The following NT5C3A variants were observed in gnomAD, a reference collection of about 807,000 sequenced individuals.
NT5C3A encodes 5'-nucleotidase, cytosolic IIIA, also known as cytosolic 5'-nucleotidase 3A.
NT5C3A carries 23 observed loss-of-function variants against 40.0 expected under a neutral mutation model. That is an observed-to-expected ratio of 0.58 (90% CI 0.41 to 0.81). The LOEUF (loss-of-function observed/expected upper bound fraction) is 0.81. NT5C3A is among the 40% of genes least tolerant of loss of function. The pLI is 0.00. For synonymous variants in NT5C3A, 130 were observed against 141.4 expected (o/e 0.92, Z 0.57); for missense variants, 328 against 403.0 (o/e 0.81, Z 1.59).
At chr7:33,046,613 T>A (rs1026090437) in intron 1 of NT5C3A, among the ~76,000 whole-genome samples, 1 of 152,180 alleles carries the variant, frequency 6.6e-6, no homozygotes. Flanking sequence ...ATGAACTATA[T>A]CTTTTTTACT....
intron 1 of NT5C3A, among the ~76,000 whole-genome samples, chr7:33,053,956 G>T (rs1415604288): frequency 6.6e-6 from 1 of 152,116 alleles, no homozygotes; most frequent in East Asian, 1.9e-4. Context: ...CAGGAAACCT[G>T]ACAAACATGA....
At chr7:33,031,314 A>T (rs1292791717) in intron 1 of NT5C3A, among the ~76,000 whole-genome samples, 1 of 150,846 alleles carries the variant, frequency 6.6e-6, no homozygotes, top group Non-Finnish European at 1.5e-5. Flanking sequence ...ACGGCCGGGC[A>T]TGGTGGCTCA....
intron 1 of NT5C3A, chr7:33,038,927 A>C (rs1175630165): frequency 2.2e-6 from 1 of 455,822 alleles, no homozygotes; most frequent in South Asian, 1.6e-5. Flanking sequence ...TTGATCTACG[A>C]ACTCTCTTCA....
At chr7:33,055,041 G>A (rs1218252181) in intron 1 of NT5C3A, among the ~76,000 whole-genome samples, 1 of 152,108 alleles carries the variant, frequency 6.6e-6, no homozygotes, top group Non-Finnish European at 1.5e-5. Context: ...AAAGATACAT[G>A]CTATCGGGCA....
intron 1 of NT5C3A, among the ~76,000 whole-genome samples, chr7:33,061,065 G>A (rs1787755687): frequency 6.6e-6 from 1 of 152,172 alleles, no homozygotes; most frequent in South Asian, 2.1e-4. Context: ...GAAGGATTTT[G>A]TGAACACACT....
At chr7:33,048,091 G>A (rs1365495829) in intron 1 of NT5C3A, among the ~76,000 whole-genome samples, 1 of 151,852 alleles carries the variant, frequency 6.6e-6, no homozygotes, top group East Asian at 1.9e-4. Context: ...CATTTATGTT[G>A]CAATAGGTAG....
intron 7 of NT5C3A, 185 bp from the exon 8 acceptor site, chr7:33,016,055 A>C (rs959450980): frequency 3.5e-5 from 21 of 591,714 alleles, no homozygotes; most frequent in African/African-American, 2.4e-4. Flanking sequence ...TCGGAGAAGT[A>C]AATGATTTTT....
rs1168560733 is a variant in NT5C3A at position 33,017,984 on chromosome 7, A to C, written c.531-383T>G. 2.0e-5 allele frequency among the ~76,000 whole-genome samples: 3 copies of C among 152,190 alleles called. No homozygotes were observed. In the South Asian group the frequency reaches 6.2e-4, roughly 32 times the overall value. On this transcript the variant is annotated intron_variant, in intron 6 of 8. Transcript: ENST00000610140. Reference sequence around the variant, plus strand: ...TGCTTGAGCCCAGGAGTTCTAGTCCACTCTGGGCAACATAGCGAGACCCTG... The same window carrying C: ...TGCTTGAGCCCAGGAGTTCTAGTCCCCTCTGGGCAACATAGCGAGACCCTG...
intron 1 of NT5C3A, among the ~76,000 whole-genome samples, chr7:33,039,242 G>C (rs1786777050): frequency 1.3e-5 from 2 of 152,038 alleles, no homozygotes; most frequent in Admixed American, 1.3e-4. Context: ...CTGATTTAAA[G>C]CAAGTCTTAA....
chr7:33,042,246 C>T (rs1451714884), intron 1 of NT5C3A, among the ~76,000 whole-genome samples: 1 of 152,050 alleles, frequency 6.6e-6, no homozygotes, highest in East Asian at 1.9e-4. Flanking sequence ...AGGAGAATCA[C>T]TTGAACCCAG....
chr7:33,062,752 C>T lies in NT5C3A; in HGVS notation c.-47G>A. ...CCAAGCAGGAAAAAAACAGGCAGCT[C>T]GCGTAGACTGCGAGTCTCGGAAGCG... On this transcript the variant is annotated 5_prime_UTR_variant, in exon 1 of 9. Transcript: ENST00000610140. 6.5e-7 allele frequency: 1 copy of T among 1,548,880 alleles called. No homozygotes were observed. Among genetic ancestry groups the T allele is most frequent in the Admixed American group, 2.0e-5 (1 of 50,952 alleles).
chr7:33,035,210 T>TC (rs1786526111), intron 1 of NT5C3A, among the ~76,000 whole-genome samples: 1 of 150,052 alleles, frequency 6.7e-6, no homozygotes, highest in South Asian at 2.1e-4. Flanking sequence ...TTTTTTTTTT[T>TC]TGAGACGGAA....
At chr7:33,055,619 C>A (rs1158419602) in intron 1 of NT5C3A, among the ~76,000 whole-genome samples, 1 of 152,174 alleles carries the variant, frequency 6.6e-6, no homozygotes, top group African/African-American at 2.4e-5. Flanking sequence ...TTGGCCATGA[C>A]TGGAACGACC....
intron 1 of NT5C3A, among the ~76,000 whole-genome samples, chr7:33,054,121 A>G (rs1017974126): frequency 3.2e-4 from 48 of 152,082 alleles, no homozygotes; most frequent in African/African-American, 1.1e-3. Flanking sequence ...TTTGGGAGGT[A>G]GAGGTAGGAG....
At chr7:33,035,787 A>C in intron 1 of NT5C3A, 1 of 712,242 alleles carries the variant, frequency 1.4e-6, no homozygotes, top group Middle Eastern at 2.5e-4. Flanking sequence ...AATTCAATTC[A>C]ATAAGTATTT....
chr7:33,049,398 T>C (rs139524223), intron 1 of NT5C3A, among the ~76,000 whole-genome samples: 2 of 152,118 alleles, frequency 1.3e-5, no homozygotes, highest in African/African-American at 4.8e-5. Context: ...AACCAAGGAC[T>C]TACCAACTAC....
At chr7:33,015,993 T>C (rs1785303309) in intron 7 of NT5C3A, 123 bp from the exon 8 acceptor site, 5 of 719,000 alleles carry the variant, frequency 7.0e-6, no homozygotes, top group African/African-American at 3.5e-5. Context: ...TCTTTGATAC[T>C]AGAGATCTCA....
intron 1 of NT5C3A, chr7:33,029,642 C>T: frequency 7.8e-7 from 1 of 1,289,766 alleles, no homozygotes; most frequent in Non-Finnish European, 1.0e-6. Context: ...AGGCAAATCA[C>T]AGCTTCAAGT....
At chr7:33,027,633 T>C (rs1285779459) in intron 1 of NT5C3A, among the ~76,000 whole-genome samples, 2 of 148,082 alleles carry the variant, frequency 1.4e-5, no homozygotes, top group African/African-American at 5.1e-5. Flanking sequence ...TCTGTGATTT[T>C]CTATTAGTTT....
Sources: allele counts gnomAD v4.1 joint callset (sites outside exome capture counted in the v4.1 genomes callset), GRCh38; gene constraint gnomAD v4.1.1; transcripts MANE v1.5; gene names NCBI Gene and HGNC (gene_info 2026-07-23, HGNC 2026-07-21).